RBFOX1: variants seen among roughly 807,000 people sequenced by gnomAD.
RBFOX1 encodes RNA binding fox-1 homolog 1, also known as RNA binding protein fox-1 homolog 1.
In RBFOX1, 8 loss-of-function variants were observed where a neutral mutation model predicts 57.7. The ratio of observed to expected loss-of-function variants is 0.14; its 90% CI spans 0.08 to 0.25. The LOEUF is 0.25. Among genes scored for constraint, RBFOX1 ranks in the 10% least tolerant of loss-of-function variants. The probability of loss-of-function intolerance (pLI) is 1.00; values close to 1 mark genes in which losing one functional copy is unlikely to be tolerated. For synonymous variants in RBFOX1, 326 were observed against 222.4 expected, an observed-to-expected ratio of 1.47 and a Z score of -4.15; for missense variants, 611 against 548.5, an observed-to-expected ratio of 1.11 and a Z score of -1.14.
At chr16:6,760,290 A>G (rs1282981236) in intron 3 of RBFOX1, among the ~76,000 whole-genome samples, 1 of 152,202 alleles carries the variant, frequency 6.6e-6, no homozygotes, top group African/African-American at 2.4e-5. Flanking sequence ...AGGATTGAGG[A>G]GAGCATTGGC....
At chr16:5,999,705 C>T (rs535062790) in intron 4 of RBFOX1, among the ~76,000 whole-genome samples, 2 of 151,466 alleles carry the variant, frequency 1.3e-5, no homozygotes, top group South Asian at 2.1e-4. Flanking sequence ...ACTAAAAATA[C>T]AAAAAATTAG....
intron 1 of RBFOX1, among the ~76,000 whole-genome samples, chr16:6,117,310 C>A (rs2096507344): frequency 6.6e-6 from 1 of 152,194 alleles, no homozygotes; most frequent in African/African-American, 2.4e-5. Flanking sequence ...TGACAATTAC[C>A]TTTAAAACTC....
chr16:6,746,439 A>G (rs1255155993), intron 3 of RBFOX1, among the ~76,000 whole-genome samples: 1 of 152,120 alleles, frequency 6.6e-6, no homozygotes, highest in Non-Finnish European at 1.5e-5. Context: ...CACTATGGGA[A>G]GACTAGACAG....
intron 4 of RBFOX1, among the ~76,000 whole-genome samples, chr16:5,877,689 G>T (rs905833905): frequency 3.3e-5 from 5 of 152,278 alleles, no homozygotes; most frequent in African/African-American, 1.2e-4. Context: ...CCTGAAGGGA[G>T]TGTGCCCAGA....
intron 4 of RBFOX1, among the ~76,000 whole-genome samples, chr16:7,513,690 A>G (rs559120776): frequency 6.6e-6 from 1 of 152,116 alleles, no homozygotes; most frequent in East Asian, 1.9e-4. Context: ...TGTAAGAACT[A>G]CCGGTATGAG....
At chr16:6,237,169 C>T (rs1260950321) in intron 1 of RBFOX1, among the ~76,000 whole-genome samples, 1 of 152,168 alleles carries the variant, frequency 6.6e-6, no homozygotes, top group African/African-American at 2.4e-5. Context: ...GGCAAGGGTA[C>T]TTTTATTACG....
chr16:7,648,862 C>G (rs572579872), intron 11 of RBFOX1, among the ~76,000 whole-genome samples: 1 of 152,284 alleles, frequency 6.6e-6, no homozygotes, highest in East Asian at 1.9e-4. Flanking sequence ...GTGCAACAAA[C>G]TTGGTCCAAG....
At chr16:5,510,896 A>ATCCC (rs1393874052) in intron 2 of RBFOX1, among the ~76,000 whole-genome samples, 1 of 152,170 alleles carries the variant, frequency 6.6e-6, no homozygotes, top group Non-Finnish European at 1.5e-5. Flanking sequence ...ATGGCCACGT[A>ATCCC]TCCCCAGGTT....
rs544445058 is a variant in RBFOX1, at chr16:5,336,492, A to C, written c.219+96387A>C. ...TGCATGGGGGTGCTGATCCTTCTCC[A>C]GGCTCAGAATTATCTGTGTGTGGAT... is the stretch of plus-strand genomic sequence containing the variant. On this transcript the variant is annotated intron_variant, in intron 1 of 2. Transcript: ENST00000585867. Among the ~76,000 whole-genome samples, 13 of 152,300 alleles carry C rather than the reference A, an allele frequency of 8.5e-5. No individual in the cohort carries two copies. In the South Asian group the frequency reaches 2.7e-3, roughly 32 times the overall value.
At chr16:7,514,934 G>A (rs1043217842) in intron 4 of RBFOX1, among the ~76,000 whole-genome samples, 10 of 152,118 alleles carry the variant, frequency 6.6e-5, no homozygotes, top group Non-Finnish European at 1.5e-4. Flanking sequence ...GGTGGAGGAG[G>A]GAAACCTTTG....
intron 1 of RBFOX1, among the ~76,000 whole-genome samples, chr16:6,206,429 C>T (rs1441749426): frequency 6.6e-6 from 1 of 152,162 alleles, no homozygotes; most frequent in Non-Finnish European, 1.5e-5. Context: ...CTTCTCAATT[C>T]TTGCTATGAT....
intron 4 of RBFOX1, among the ~76,000 whole-genome samples, chr16:7,097,701 C>T (rs2061941376): frequency 6.6e-6 from 1 of 152,160 alleles, no homozygotes; most frequent in African/African-American, 2.4e-5. Flanking sequence ...ACCTGCTCCC[C>T]AAACTTGCAC....
intron 3 of RBFOX1, among the ~76,000 whole-genome samples, chr16:6,879,673 C>G (rs1287871849): frequency 2.0e-5 from 3 of 152,192 alleles, no homozygotes; most frequent in South Asian, 2.1e-4. Flanking sequence ...TTTCAGTTAA[C>G]TATGTTGTAC....
chr16:5,572,465 G>A (rs936908583), intron 2 of RBFOX1, among the ~76,000 whole-genome samples: 3 of 152,116 alleles, frequency 2.0e-5, no homozygotes, highest in East Asian at 1.9e-4. Flanking sequence ...TCTTCTGTAC[G>A]TGGAAGGATG....
intron 1 of RBFOX1, among the ~76,000 whole-genome samples, chr16:5,277,575 C>A (rs1236294192): frequency 6.6e-6 from 1 of 152,106 alleles, no homozygotes; most frequent in Non-Finnish European, 1.5e-5. Context: ...CCTCCTCTTC[C>A]CAGCCTCTGG....
chr16:6,100,760 C>T (rs1432233717), intron 1 of RBFOX1, among the ~76,000 whole-genome samples: 1 of 152,094 alleles, frequency 6.6e-6, no homozygotes, highest in African/African-American at 2.4e-5. Flanking sequence ...TTAACTTGCC[C>T]AGGTTAACAG....
intron 1 of RBFOX1, among the ~76,000 whole-genome samples, chr16:5,284,191 C>T (rs1478361903): frequency 6.6e-6 from 1 of 152,154 alleles, no homozygotes; most frequent in Non-Finnish European, 1.5e-5. Flanking sequence ...GAGGCTTCCC[C>T]AGCTACGTGG....
At chr16:6,928,598 T>TGG (rs1567926713) in intron 3 of RBFOX1, among the ~76,000 whole-genome samples, 6 of 152,148 alleles carry the variant, frequency 3.9e-5, no homozygotes, top group East Asian at 1.9e-4. Context: ...CAATGTGTCT[T>TGG]ACAGTTACCC....
chr16:6,416,083 C>T (rs540986044), intron 2 of RBFOX1, among the ~76,000 whole-genome samples: 62 of 152,312 alleles, frequency 4.1e-4, no homozygotes, highest in Admixed American at 3.9e-4. Flanking sequence ...GGTAATTCAC[C>T]TGCATGAATA....
Sources: allele counts gnomAD v4.1 joint callset (sites outside exome capture counted in the v4.1 genomes callset), GRCh38; gene constraint gnomAD v4.1.1; transcripts MANE v1.5; gene names NCBI Gene and HGNC (gene_info 2026-07-23, HGNC 2026-07-21).